FSHB: variants seen among roughly 807,000 people sequenced by gnomAD.
FSHB encodes the protein follitropin subunit beta.
In FSHB, 8 loss-of-function variants were observed where a neutral mutation model predicts 12.1. The ratio of observed to expected loss-of-function variants is 0.66; its 90% CI spans 0.39 to 1.19. The LOEUF is 1.19. Among genes scored for constraint, FSHB ranks in the 50% most tolerant of loss-of-function variants. The pLI, the probability that FSHB is intolerant of heterozygous loss-of-function variation, is 0.01. For missense variants in FSHB, 153 were observed against 157.2 expected (o/e 0.97, Z 0.14); for synonymous variants, 55 against 54.6 (o/e 1.01, Z -0.04).
rs556576879 is a variant in FSHB at position 30,234,808 on chromosome 11, C to A, written c.*1008C>A. On this transcript the variant is annotated 3_prime_UTR_variant, in exon 3 of 3. Transcript: ENST00000533718. ...TTTAGAAAGAATTAGCCATGGGGGA[C>A]GAGGGGAAACTGCTGTTTTCTAGGA... 6.6e-6 allele frequency: 1 copy of A among 152,066 alleles called. No individual in the cohort carries two copies. The highest frequency in any genetic ancestry group is 1.5e-5 in the Non-Finnish European group (1 of 68,008). The allele number at this position is 152,066 out of a possible 1,614,324, so 9.4% of individuals were successfully genotyped here. A position where few individuals can be genotyped will look rare whatever the true frequency, so the allele number is the denominator to read the frequency against.
chr11:30,232,425 C>A (rs986370181), intron 2 of FSHB, among the ~76,000 whole-genome samples: 1 of 152,194 alleles, frequency 6.6e-6, no homozygotes, highest in Non-Finnish European at 1.5e-5. Flanking sequence ...AAGGCAATTT[C>A]TTTAACTGAC....
Position 30,233,596 on chromosome 11 carries a change from G to A in FSHB, c.186G>A (p.Arg62=). 6.2e-7 allele frequency: 1 copy of A among 1,613,900 alleles called. No individual in the cohort carries two copies. Among genetic ancestry groups the A allele is most frequent in the Non-Finnish European group, 8.5e-7 (1 of 1,179,888 alleles). The change falls in exon 3 of 3, where the codon AGG becomes AGA. Residue 62 remains arginine, a synonymous_variant. Transcript: ENST00000533718. ...TRDLVYKDPA[R]PKIQKTCTFK... ...ATCTGGTGTATAAGGACCCAGCCAG[G>A]CCCAAAATCCAGAAAACATGTACCT...
intron 2 of FSHB, among the ~76,000 whole-genome samples, chr11:30,232,574 T>G (rs1011724925): frequency 1.3e-5 from 2 of 152,160 alleles, no homozygotes; most frequent in Non-Finnish European, 2.9e-5. Context: ...AATCAATTCT[T>G]GCAGACTGTT....
Position 30,233,615 on chromosome 11 carries a change from T to C in FSHB, c.205T>C (p.Cys69Arg). The C allele has an allele frequency of 1.2e-6, 2 of 1,614,018 alleles. No homozygotes were observed. The highest frequency in any genetic ancestry group is 1.7e-6 in the Non-Finnish European group (2 of 1,179,940). ...AGCCAGGCCCAAAATCCAGAAAACA[T>C]GTACCTTCAAGGAACTGGTATACGA... Reference protein sequence around the residue: ...DPARPKIQKTCTFKELVYETV... With the variant: ...DPARPKIQKTRTFKELVYETV... The change falls in exon 3 of 3, where the codon TGT becomes CGT. Residue 69 changes from cysteine (C) to arginine (R), a missense_variant. Physicochemically the swap from Cys to Arg is radical, Grantham distance 180. Transcript: ENST00000533718.
chr11:30,233,550 T>C lies in FSHB; in HGVS notation c.160-20T>C. The C allele has an allele frequency of 1.3e-6, 2 of 1,583,148 alleles. No homozygotes were observed. The highest frequency in any genetic ancestry group is 1.7e-6 in the Non-Finnish European group (2 of 1,151,994). On this transcript the variant is annotated intron_variant, in intron 2 of 2. Coordinates refer to ENST00000533718, the MANE Select transcript of FSHB (RefSeq NM_001382289.1). Reference sequence around the variant, plus strand: ...AACTTCCACAATACCATAACCTAACTCTCTTCTTAAACTCCTCAGGATCTG... The same window carrying C: ...AACTTCCACAATACCATAACCTAACCCTCTTCTTAAACTCCTCAGGATCTG...
chr11:30,233,558 T>A lies in FSHB; in HGVS notation c.160-12T>A. ...CAATACCATAACCTAACTCTCTTCTTAAACTCCTCAGGATCTGGTGTATAA... is the reference window on the plus strand; with the variant it reads ...CAATACCATAACCTAACTCTCTTCTAAAACTCCTCAGGATCTGGTGTATAA... On this transcript the variant is annotated splice_polypyrimidine_tract_variant and intron_variant, in intron 2 of 2. Transcript: ENST00000533718. The A allele has an allele frequency of 6.2e-7, 1 of 1,604,324 alleles. No homozygotes were observed. Among genetic ancestry groups the A allele is most frequent in the South Asian group, 1.1e-5 (1 of 90,890 alleles).
Position 30,233,732 on chromosome 11 carries a change from G to A in FSHB, c.322G>A (p.Asp108Asn), listed in dbSNP as rs267602841. Reference protein sequence around the residue: ...TQCHCGKCDSDSTDCTVRGLG... With the variant: ...TQCHCGKCDSNSTDCTVRGLG... ...GTGTCACTGTGGCAAGTGTGACAGC[G>A]ACAGCACTGATTGTACTGTGCGAGG... The change falls in exon 3 of 3, where the codon GAC (aspartate) becomes AAC (asparagine). Residue 108 changes from aspartate to asparagine, a missense_variant. Asp to Asn is a conservative substitution (Grantham distance 23). Transcript: ENST00000533718. 1.2e-5 allele frequency: 20 copies of A among 1,613,898 alleles called. No homozygotes were observed. The highest frequency in any genetic ancestry group is 8.8e-5 in the South Asian group (8 of 91,088).
Position 30,233,980 on chromosome 11 carries a change from T to A in FSHB, c.*180T>A. ...AATTGAGAGTGCTGGGGGCCAGGAC[T>A]CCATCATGATTCAGCTCTATATTCC... On this transcript the variant is annotated 3_prime_UTR_variant, in exon 3 of 3. Transcript: ENST00000533718. 2 of 637,218 alleles carry A rather than the reference T, an allele frequency of 3.1e-6. No individual in the cohort carries two copies. The highest frequency in any genetic ancestry group is 5.7e-6 in the Non-Finnish European group (2 of 353,698). 39.5% of individuals were successfully genotyped at this position (637,218 alleles called of 1,614,324 possible).
At position 30,233,769 on chromosome 11, in the gene FSHB, G is replaced by T. The variant is rs1852042392; in HGVS notation, c.359G>T (p.Ser120Ile). ...TDCTVRGLGP[S>I]YCSFGEMKE is the part of the protein sequence containing the mutation. ...TGTACTGTGCGAGGCCTGGGGCCCA[G>T]CTACTGCTCCTTTGGTGAAATGAAA... is the stretch of plus-strand genomic sequence containing the variant. Residue 120 changes from serine to isoleucine, a missense_variant, in exon 3 of 3, where the codon AGC becomes ATC. Physicochemically the swap from Ser to Ile is moderately radical, Grantham distance 142 (BLOSUM62 -2). Coordinates refer to ENST00000533718, the MANE Select transcript of FSHB (RefSeq NM_001382289.1). 6.2e-7 allele frequency: 1 copy of T among 1,613,984 alleles called. No homozygotes were observed. Among genetic ancestry groups the T allele is most frequent in the East Asian group, 2.2e-5 (1 of 44,856 alleles).
Position 30,233,930 on chromosome 11 carries a change from G to C in FSHB, c.*130G>C. On this transcript the variant is annotated 3_prime_UTR_variant, in exon 3 of 3. Transcript: ENST00000533718. ...GGGATTCAGACTCTACTGATCCCTG[G>C]TCTACTGGCAGAGGGAACTCTGGGA... The C allele has an allele frequency of 1.3e-6, 1 of 764,432 alleles. No individual in the cohort carries two copies. The allele number at this position is 764,432 out of a possible 1,614,324, so 47.4% of individuals were successfully genotyped here.
At position 30,232,073 on chromosome 11, in the gene FSHB, G is replaced by C; in HGVS notation, c.159+12G>C. ...ACTGCTACACCAGGGTAGGTACCAT[G>C]TTTTGCTGGAAGCAAGGGTGTTGAA... is the stretch of plus-strand genomic sequence containing the variant. On this transcript the variant is annotated intron_variant, in intron 2 of 2. Transcript: ENST00000533718. 6.2e-7 allele frequency: 1 copy of C among 1,613,536 alleles called. No homozygotes were observed. Among genetic ancestry groups the C allele is most frequent in the East Asian group, 2.2e-5 (1 of 44,852 alleles).
intron 2 of FSHB, 103 bp downstream of exon 2, chr11:30,232,164 C>A (rs998596845): frequency 8.4e-6 from 10 of 1,186,794 alleles, no homozygotes; most frequent in Non-Finnish European, 9.8e-6. Flanking sequence ...TAAGTAACAG[C>A]CATGAGTCCT....
In FSHB at chr11:30,233,585, G is replaced by A; in HGVS notation, c.175G>A (p.Asp59Asn). The A allele has an allele frequency of 9.3e-6, 15 of 1,613,756 alleles. No homozygotes were observed. The highest frequency in any genetic ancestry group is 1.3e-5 in the Non-Finnish European group (15 of 1,179,788). ...YCYTRDLVYK[D>N]PARPKIQKTC... ...AACTCCTCAGGATCTGGTGTATAAG[G>A]ACCCAGCCAGGCCCAAAATCCAGAA... The change falls in exon 3 of 3, where the codon GAC becomes AAC. Residue 59 changes from aspartate to asparagine, a missense_variant. Asp to Asn is a conservative substitution (Grantham distance 23). Transcript: ENST00000533718.
At position 30,234,463 on chromosome 11, in the gene FSHB, G is replaced by C. The variant is rs779622190; in HGVS notation, c.*663G>C. On this transcript the variant is annotated 3_prime_UTR_variant, in exon 3 of 3. Coordinates refer to ENST00000533718, the MANE Select transcript of FSHB (RefSeq NM_001382289.1). ...TTTCTGAATTGTTTGGTACAGATGG[G>C]GAGTAACAGAGCTCAAGATTTCCAA... 6.5e-6 allele frequency: 1 copy of C among 153,122 alleles called. No individual in the cohort carries two copies. The highest frequency in any genetic ancestry group is 1.5e-5 in the Non-Finnish European group (1 of 68,754). The allele number at this position is 153,122 out of a possible 1,614,324, so 9.5% of individuals were successfully genotyped here.
At position 30,232,009 on chromosome 11, in the gene FSHB, G is replaced by T. The variant is rs138072399; in HGVS notation, c.107G>T (p.Arg36Leu). Residue 36 changes from arginine to leucine, a missense_variant, in exon 2 of 3, where the codon CGT becomes CTT. Arg to Leu is a moderately radical substitution (Grantham distance 102). Coordinates refer to ENST00000533718, the MANE Select transcript of FSHB (RefSeq NM_001382289.1). ...ITIAIEKEEC[R>L]FCISINTTWC... ...ATTGCAATAGAGAAAGAAGAATGTCGTTTCTGCATAAGCATCAACACCACT... is the reference window on the plus strand; with the variant it reads ...ATTGCAATAGAGAAAGAAGAATGTCTTTTCTGCATAAGCATCAACACCACT... 6.2e-7 allele frequency: 1 copy of T among 1,613,936 alleles called. No individual in the cohort carries two copies.
chr11:30,234,065 CT>C lies in FSHB; in HGVS notation c.*268del, dbSNP rs1343178466. ...CTCACAGACTTGTGCCTGGTTTCTT[CT>C]TTAAAAATCTTAGAAATCTTCTCAG... On this transcript the variant is annotated 3_prime_UTR_variant, in exon 3 of 3. Coordinates refer to ENST00000533718, the MANE Select transcript of FSHB (RefSeq NM_001382289.1). 4.6e-6 allele frequency: 2 copies of C among 436,436 alleles called. No individual in the cohort carries two copies. Among genetic ancestry groups the C allele is most frequent in the Non-Finnish European group, 8.5e-6 (2 of 234,696 alleles). The allele number at this position is 436,436 out of a possible 1,614,324, so 27.0% of individuals were successfully genotyped here.
At chr11:30,232,105 T>A in intron 2 of FSHB, 44 bp downstream of exon 2, 1 of 1,596,272 alleles carries the variant, frequency 6.3e-7, no homozygotes, top group Non-Finnish European at 8.6e-7. Flanking sequence ...TGAAGGTCTG[T>A]ATTAGGCCGG....
chr11:30,233,553 C>G lies in FSHB; in HGVS notation c.160-17C>G. The G allele has an allele frequency of 6.3e-7, 1 of 1,592,720 alleles. No individual in the cohort carries two copies. The highest frequency in any genetic ancestry group is 8.6e-7 in the Non-Finnish European group (1 of 1,160,662). ...TTCCACAATACCATAACCTAACTCT[C>G]TTCTTAAACTCCTCAGGATCTGGTG... is the stretch of plus-strand genomic sequence containing the variant. On this transcript the variant is annotated splice_polypyrimidine_tract_variant and intron_variant, in intron 2 of 2. Transcript: ENST00000533718.
In FSHB at chr11:30,233,934, A is replaced by G; in HGVS notation, c.*134A>G. ...TTCAGACTCTACTGATCCCTGGTCT[A>G]CTGGCAGAGGGAACTCTGGGAATTG... On this transcript the variant is annotated 3_prime_UTR_variant, in exon 3 of 3. Transcript: ENST00000533718. 5.3e-6 allele frequency: 4 copies of G among 750,488 alleles called. No individual in the cohort carries two copies. Among genetic ancestry groups the G allele is most frequent in the Non-Finnish European group, 6.9e-6 (3 of 435,520 alleles). The allele number at this position is 750,488 out of a possible 1,614,324, so 46.5% of individuals were successfully genotyped here.
Sources: allele counts gnomAD v4.1 joint callset (sites outside exome capture counted in the v4.1 genomes callset), GRCh38; gene constraint gnomAD v4.1.1; transcripts MANE v1.5; gene names NCBI Gene and HGNC (gene_info 2026-07-23, HGNC 2026-07-21).